LOC128462377: variants seen among roughly 807,000 people sequenced by gnomAD.
the LOC128462377 span, among the ~76,000 whole-genome samples, chr16:89,342,349 T>C: frequency 1.3e-5 from 2 of 152,242 alleles, no homozygotes; most frequent in African/African-American, 4.8e-5. Flanking sequence ...CCATTTCACC[T>C]GAGAGTCGGA....
chr16:89,395,257 G>A, the LOC128462377 span, among the ~76,000 whole-genome samples: 1 of 152,260 alleles, frequency 6.6e-6, no homozygotes, highest in African/African-American at 2.4e-5. Context: ...CTGAGCCCCA[G>A]GGAAGGGCTG....
chr16:89,370,375 C>A, the LOC128462377 span, among the ~76,000 whole-genome samples: 1 of 152,142 alleles, frequency 6.6e-6, no homozygotes, highest in Non-Finnish European at 1.5e-5. Context: ...CCGGTACCTG[C>A]CCCAGCCACA....
chr16:89,356,790 AAAAAAG>A, the LOC128462377 span, among the ~76,000 whole-genome samples: 1 of 151,190 alleles, frequency 6.6e-6, no homozygotes, highest in African/African-American at 2.4e-5. Context: ...CAAAAAAAAA[AAAAAAG>A]AAAAAAGAAA....
the LOC128462377 span, among the ~76,000 whole-genome samples, chr16:89,414,098 T>A: frequency 6.6e-6 from 1 of 152,198 alleles, no homozygotes; most frequent in Non-Finnish European, 1.5e-5. Flanking sequence ...GACTGCGCAC[T>A]CGGGGACACT....
At chr16:89,319,251 G>A in the LOC128462377 span, among the ~76,000 whole-genome samples, 3 of 152,300 alleles carry the variant, frequency 2.0e-5, no homozygotes, top group South Asian at 2.1e-4. Flanking sequence ...TCTGGGCCCC[G>A]ACAGTGCGGG....
the LOC128462377 span, among the ~76,000 whole-genome samples, chr16:89,390,865 G>C: frequency 5.2e-3 from 785 of 152,280 alleles, 6 homozygotes; most frequent in African/African-American, 0.018. Flanking sequence ...CATATCCTTT[G>C]CAAAATCCTT....
chr16:89,384,428 G>T, the LOC128462377 span, among the ~76,000 whole-genome samples: 2 of 152,118 alleles, frequency 1.3e-5, no homozygotes, highest in Admixed American at 6.6e-5. Flanking sequence ...CTATGTGGGG[G>T]GCTGAGGCAG....
the LOC128462377 span, among the ~76,000 whole-genome samples, chr16:89,358,372 A>G: frequency 6.6e-6 from 1 of 152,264 alleles, no homozygotes; most frequent in Non-Finnish European, 1.5e-5. Flanking sequence ...GTTTGCAAAC[A>G]TGCACAGCTT....
chr16:89,406,364 G>C, the LOC128462377 span, among the ~76,000 whole-genome samples: 1 of 152,058 alleles, frequency 6.6e-6, no homozygotes, highest in African/African-American at 2.4e-5. Context: ...CCTGGGCCTC[G>C]GCCACACTCC....
chr16:89,338,408 T>G, the LOC128462377 span, among the ~76,000 whole-genome samples: 1 of 143,060 alleles, frequency 7.0e-6, no homozygotes, highest in Non-Finnish European at 1.5e-5. Flanking sequence ...AATCCTGTAC[T>G]TAACATACAC....
At chr16:89,337,006 C>CAAAA in the LOC128462377 span, among the ~76,000 whole-genome samples, 1 of 39,720 alleles carries the variant, frequency 2.5e-5, no homozygotes, top group Non-Finnish European at 5.3e-5. Flanking sequence ...CCTGGCTCTA[C>CAAAA]CAAAAAAAAA....
At chr16:89,317,677 C>G in the LOC128462377 span, among the ~76,000 whole-genome samples, 1 of 152,244 alleles carries the variant, frequency 6.6e-6, no homozygotes, top group Non-Finnish European at 1.5e-5. Flanking sequence ...CCCATGGAAG[C>G]AGACGCCCCC....
At chr16:89,351,798 T>C in the LOC128462377 span, among the ~76,000 whole-genome samples, 1 of 152,206 alleles carries the variant, frequency 6.6e-6, no homozygotes, top group African/African-American at 2.4e-5. Context: ...GTGACAGCAA[T>C]GTTCTAGAAC....
the LOC128462377 span, among the ~76,000 whole-genome samples, chr16:89,408,919 T>G: frequency 6.6e-6 from 1 of 152,224 alleles, no homozygotes; most frequent in Non-Finnish European, 1.5e-5. Flanking sequence ...TAGGAGTTAC[T>G]GGGAAATACA....
the LOC128462377 span, among the ~76,000 whole-genome samples, chr16:89,344,175 C>T: frequency 6.6e-6 from 1 of 152,190 alleles, no homozygotes; most frequent in African/African-American, 2.4e-5. Context: ...AACCCTGGCT[C>T]AGGACAGATT....
the LOC128462377 span, among the ~76,000 whole-genome samples, chr16:89,357,598 C>G: frequency 6.6e-6 from 1 of 152,220 alleles, no homozygotes; most frequent in Non-Finnish European, 1.5e-5. Context: ...CAGCATGGTT[C>G]CCAACAGCAA....
At chr16:89,323,561 G>GC in the LOC128462377 span, among the ~76,000 whole-genome samples, 4 of 37,632 alleles carry the variant, frequency 1.1e-4, no homozygotes, top group South Asian at 7.4e-4. Context: ...GGGGGTCTGA[G>GC]CTAAGGGCAC....
the LOC128462377 span, among the ~76,000 whole-genome samples, chr16:89,411,032 G>C: frequency 2.0e-5 from 3 of 152,216 alleles, no homozygotes; most frequent in African/African-American, 4.8e-5. Context: ...CAGGGCAGGA[G>C]GCAGGATCCT....
the LOC128462377 span, chr16:89,418,210 G>A: frequency 2.1e-4 from 93 of 443,648 alleles, no homozygotes; most frequent in Admixed American, 8.3e-4. Context: ...GGACACTCAC[G>A]CATTATTTTG....
Sources: allele counts gnomAD v4.1 joint callset (sites outside exome capture counted in the v4.1 genomes callset), GRCh38; gene constraint gnomAD v4.1.1; transcripts MANE v1.5.